TCERG1L: variants seen among roughly 807,000 people sequenced by gnomAD.
The protein encoded by TCERG1L is transcription elongation regulator 1-like protein.
A neutral mutation model predicts 56.3 loss-of-function variants in TCERG1L; 37 were observed. That is an observed-to-expected ratio of 0.66 (90% CI 0.51 to 0.87). TCERG1L has a LOEUF of 0.87. Among genes scored for constraint, TCERG1L ranks in the 40% least tolerant of loss-of-function variants. TCERG1L has a pLI of 0.00. For missense variants in TCERG1L, 799 were observed against 774.2 expected, an observed-to-expected ratio of 1.03 and a Z score of -0.38; for synonymous variants, 324 against 326.3, an observed-to-expected ratio of 0.99 and a Z score of 0.08.
chr10:131,291,187 A>G (rs1198022708), intron 3 of TCERG1L, among the ~76,000 whole-genome samples: 1 of 152,092 alleles, frequency 6.6e-6, no homozygotes, highest in African/African-American at 2.4e-5. Flanking sequence ...TATTAGAATA[A>G]ACTGTCATAT....
intron 4 of TCERG1L, among the ~76,000 whole-genome samples, chr10:131,194,534 A>G (rs1167286600): frequency 6.6e-6 from 1 of 152,010 alleles, no homozygotes; most frequent in Non-Finnish European, 1.5e-5. Context: ...TCAAATTTTT[A>G]TTGTTAGGTG....
chr10:131,254,578 A>C (rs1237249436), intron 4 of TCERG1L, among the ~76,000 whole-genome samples: 2 of 152,156 alleles, frequency 1.3e-5, no homozygotes, highest in African/African-American at 4.8e-5. Flanking sequence ...GAGTGGAAAC[A>C]GAAGTACTTG....
At chr10:131,233,154 G>A (rs1209379791) in intron 4 of TCERG1L, among the ~76,000 whole-genome samples, 1 of 152,176 alleles carries the variant, frequency 6.6e-6, no homozygotes, top group Non-Finnish European at 1.5e-5. Context: ...CTATTAACGT[G>A]TCCGCAGCTC....
chr10:131,171,937 T>C (rs1846097421), intron 4 of TCERG1L, among the ~76,000 whole-genome samples: 1 of 152,242 alleles, frequency 6.6e-6, no homozygotes, highest in South Asian at 2.1e-4. Context: ...AGAACTACTC[T>C]AGGAAGTCAA....
chr10:131,200,756 T>A (rs1015406762), intron 4 of TCERG1L, among the ~76,000 whole-genome samples: 1 of 152,146 alleles, frequency 6.6e-6, no homozygotes, highest in Non-Finnish European at 1.5e-5. Context: ...AGGACTCAAG[T>A]TTTGAGGGTC....
At position 131,103,046 on chromosome 10, in the gene TCERG1L, G is replaced by C. The variant is rs370562261; in HGVS notation, c.1485+1219C>G. ...TTCCGTGTTTTCTGGGTGGCGTTTT[G>C]TAGAACTCCACCCTTCACTGTGCTG... On this transcript the variant is annotated intron_variant, in intron 10 of 11. Transcript: ENST00000368642. This position sits in a 1 kb window ranked among gnomAD's most constrained non-coding sequence, Gnocchi z 4.3. Among the ~76,000 whole-genome samples, 1 of 151,894 alleles carries C rather than the reference G, an allele frequency of 6.6e-6. No individual in the cohort carries two copies. Among genetic ancestry groups the C allele is most frequent in the Non-Finnish European group, 1.5e-5 (1 of 68,020 alleles).
At chr10:131,240,277 C>T (rs1374538078) in intron 4 of TCERG1L, among the ~76,000 whole-genome samples, 4 of 152,202 alleles carry the variant, frequency 2.6e-5, no homozygotes, top group African/African-American at 9.6e-5. Flanking sequence ...AGGGTCCATG[C>T]CATGTGGCCA....
chr10:131,136,998 G>C (rs1251206032), intron 7 of TCERG1L, among the ~76,000 whole-genome samples: 2 of 151,830 alleles, frequency 1.3e-5, no homozygotes, highest in African/African-American at 4.8e-5. Flanking sequence ...AAATTAGCCG[G>C]GTGTGGTGGC....
At chr10:131,261,395 G>C (rs566790666) in intron 3 of TCERG1L, among the ~76,000 whole-genome samples, 5 of 152,202 alleles carry the variant, frequency 3.3e-5, no homozygotes, top group Admixed American at 3.3e-4. Flanking sequence ...CCTGTCGTGT[G>C]ACCCACCCAC....
At chr10:131,230,883 C>T (rs943606086) in intron 4 of TCERG1L, among the ~76,000 whole-genome samples, 7 of 152,050 alleles carry the variant, frequency 4.6e-5, no homozygotes, top group African/African-American at 7.3e-5. Context: ...GACAGTGTGC[C>T]CCTTGCAGGC....
chr10:131,217,281 C>A (rs1845679553), intron 4 of TCERG1L, among the ~76,000 whole-genome samples: 1 of 152,044 alleles, frequency 6.6e-6, no homozygotes, highest in African/African-American at 2.4e-5. Context: ...CTTTCCTGCT[C>A]CAGTCATGTA....
At chr10:131,145,826 A>G (rs1041309140) in intron 7 of TCERG1L, among the ~76,000 whole-genome samples, 8 of 152,240 alleles carry the variant, frequency 5.3e-5, no homozygotes, top group Non-Finnish European at 1.0e-4. Flanking sequence ...CAGTGGAGTC[A>G]AGACCGTTTG....
chr10:131,309,928 AT>A (rs1846865812), intron 1 of TCERG1L, among the ~76,000 whole-genome samples: 1 of 150,768 alleles, frequency 6.6e-6, no homozygotes, highest in African/African-American at 2.4e-5. Flanking sequence ...GGGGCTGGTA[AT>A]TCAGGGCACC....
intron 3 of TCERG1L, among the ~76,000 whole-genome samples, chr10:131,275,197 G>A (rs1256560985): frequency 5.9e-5 from 9 of 152,176 alleles, no homozygotes; most frequent in African/African-American, 2.2e-4. Flanking sequence ...TGTCCACGGA[G>A]GACCCTGATG....
chr10:131,295,763 T>C (rs1489013018), intron 3 of TCERG1L, among the ~76,000 whole-genome samples: 1 of 152,192 alleles, frequency 6.6e-6, no homozygotes, highest in Non-Finnish European at 1.5e-5. Context: ...CTTCTAGCTA[T>C]TTGAATGTAT....
At chr10:131,188,222 C>T (rs1845267045) in intron 4 of TCERG1L, among the ~76,000 whole-genome samples, 1 of 152,192 alleles carries the variant, frequency 6.6e-6, no homozygotes, top group Non-Finnish European at 1.5e-5. Flanking sequence ...GTTTCTGATA[C>T]AATTAGTCTC....
At chr10:131,239,622 G>A (rs1186880243) in intron 4 of TCERG1L, among the ~76,000 whole-genome samples, 2 of 152,234 alleles carry the variant, frequency 1.3e-5, no homozygotes, top group African/African-American at 2.4e-5. Context: ...CAGAGGTGAG[G>A]AGGGGCCCAC....
chr10:131,203,636 C>T (rs1845479541), intron 4 of TCERG1L, among the ~76,000 whole-genome samples: 1 of 152,252 alleles, frequency 6.6e-6, no homozygotes, highest in South Asian at 2.1e-4. Flanking sequence ...GACACATCTG[C>T]TTCTGGTTTG....
intron 3 of TCERG1L, among the ~76,000 whole-genome samples, chr10:131,297,410 T>A (rs936134411): frequency 2.0e-5 from 3 of 152,112 alleles, no homozygotes; most frequent in Non-Finnish European, 4.4e-5. Context: ...TTCAAAAAAA[T>A]AAAAAATAAA....
Sources: gnomAD v4.1 joint callset for allele counts (sites outside exome capture counted in the v4.1 genomes callset) on GRCh38, gnomAD v4.1.1 for gene constraint, Gnocchi (gnomAD v3.1) non-coding constraint, MANE v1.5 for transcripts, NCBI Gene and HGNC (gene_info 2026-07-23, HGNC 2026-07-21) for gene names.